ENPP7: variants seen among roughly 807,000 people sequenced by gnomAD.
ENPP7 encodes ectonucleotide pyrophosphatase/phosphodiesterase family member 7.
Under a neutral mutation model 33.6 loss-of-function variants are expected in ENPP7, and 39 were observed. The ratio of observed to expected loss-of-function variants is 1.16; its 90% CI spans 0.90 to 1.52. The LOEUF (loss-of-function observed/expected upper bound fraction) is 1.52. Ranked by LOEUF, ENPP7 falls within the 40% of genes most tolerant of loss-of-function variation. ENPP7 has a pLI of 0.00. For synonymous variants in ENPP7, 244 were observed against 274.3 expected, an observed-to-expected ratio of 0.89 and a Z score of 1.09; for missense variants, 594 against 641.0, an observed-to-expected ratio of 0.93 and a Z score of 0.79.
chr17:79,731,847 C>T (rs2094286045), intron 1 of ENPP7, among the ~76,000 whole-genome samples: 1 of 152,190 alleles, frequency 6.6e-6, no homozygotes, highest in Admixed American at 6.5e-5. Flanking sequence ...CCTGTAATCC[C>T]AGCACTTTGA....
At position 79,738,322 on chromosome 17, in the gene ENPP7, T is replaced by C. The variant is rs2094299780; in HGVS notation, c.*16+260T>C. The C allele has an allele frequency of 2.3e-5, 9 of 392,186 alleles. No homozygotes were observed. The South Asian group carries it at 3.2e-4, about 14-fold the overall frequency. 24.3% of individuals were successfully genotyped at this position (392,186 alleles called of 1,614,324 possible). On this transcript the variant is annotated intron_variant, in intron 5 of 5. Transcript: ENST00000328313. This position sits in a 1 kb window ranked among gnomAD's most constrained non-coding sequence, Gnocchi z 6.2. ...GGACCAGTGGCCAGAATTCCCACCC[T>C]CCCCCAAAAGCCAGAACTCCCTCAG...
At chr17:79,732,705 C>T (rs1412999351) in intron 1 of ENPP7, among the ~76,000 whole-genome samples, 10 of 152,208 alleles carry the variant, frequency 6.6e-5, no homozygotes, top group Non-Finnish European at 1.5e-4. Flanking sequence ...ACTAGTACAC[C>T]AGTCGCTGAA....
intron 1 of ENPP7, 21 bp from the exon 2 acceptor site, chr17:79,733,487 C>T: frequency 6.2e-7 from 1 of 1,611,084 alleles, no homozygotes; most frequent in Non-Finnish European, 8.5e-7. Flanking sequence ...CCGCCGCCCT[C>T]TGCACCTCTT....
chr17:79,732,153 C>CATATATATAT lies in ENPP7; in HGVS notation c.253+762_253+763insTATATATATA, dbSNP rs2094287791. 5.4e-5 allele frequency among the ~76,000 whole-genome samples: 4 copies of CATATATATAT among 73,738 alleles called. 1 individual carries two copies. Among genetic ancestry groups the CATATATATAT allele is most frequent in the Admixed American group, 3.6e-4 (2 of 5,550 alleles). 48.4% of individuals were successfully genotyped at this position (73,738 alleles called of 152,430 possible). A position where few individuals can be genotyped will look rare whatever the true frequency, so the allele number is the denominator to read the frequency against. On this transcript the variant is annotated intron_variant, in intron 1 of 5. Coordinates refer to ENST00000328313, the MANE Select transcript of ENPP7 (RefSeq NM_178543.5). ...ATATGTATATATATATATATATACA[C>CATATATATAT]ACACATATATATATATATGAGGCCA...
chr17:79,734,500 C>A (rs4462635), intron 2 of ENPP7, among the ~76,000 whole-genome samples: 3,837 of 139,686 alleles, frequency 0.027, 157 homozygotes, highest in African/African-American at 0.093. Context: ...TTTTTTGAGA[C>A]GGAGTCTCGC....
rs1555822947 is a variant in ENPP7, at chr17:79,733,553, A to C, written c.299A>C (p.Asn100Thr). Reference protein sequence around the residue: ...NHGVVHNMYYNTTSKVKLPYH... With the variant: ...NHGVVHNMYYTTTSKVKLPYH... Reference sequence around the variant, plus strand: ...GGGGTGGTTCACAACATGTACTACAACACCACCAGCAAGGTGAAGCTGCCC... The same window carrying C: ...GGGGTGGTTCACAACATGTACTACACCACCACCAGCAAGGTGAAGCTGCCC... Residue 100 changes from asparagine (N) to threonine (T), a missense_variant, in exon 2 of 6, where the codon AAC becomes ACC. By Grantham distance (65) the Asn-to-Thr change is moderately conservative. Around this residue, in one of 3 missense-constraint regions of ENPP7, gnomAD observed 504 missense variants for 512.8 expected, o/e 0.98. Transcript: ENST00000328313. The C allele has an allele frequency of 1.2e-5, 19 of 1,613,422 alleles. No individual in the cohort carries two copies. The highest frequency in any genetic ancestry group is 9.3e-5 in the African/African-American group (7 of 74,916).
Position 79,740,974 on chromosome 17 carries a change from C to CTTCTT in ENPP7, c.*17-797_*17-793dup, listed in dbSNP as rs1192665881. ...GAACTAGGCTGTCTTCTGTGGCTAG[C>CTTCTT]TTCTTTTCTTTTCTTTTCTTTTCTT... On this transcript the variant is annotated intron_variant, in intron 5 of 5. Coordinates refer to ENST00000328313, the MANE Select transcript of ENPP7 (RefSeq NM_178543.5). Among the ~76,000 whole-genome samples the CTTCTT allele has an allele frequency of 1.2e-3, 187 of 152,178 alleles. 1 individual carries two copies. The highest frequency in any genetic ancestry group is 4.0e-3 in the African/African-American group (166 of 41,520).
Position 79,735,047 on chromosome 17 carries a change from T to C in ENPP7, c.404T>C (p.Leu135Pro), listed in dbSNP as rs782498775. 2 of 1,612,522 alleles carry C rather than the reference T, an allele frequency of 1.2e-6. No individual in the cohort carries two copies. The highest frequency in any genetic ancestry group is 1.7e-6 in the Non-Finnish European group (2 of 1,179,778). ...PIWITAQRQG[L>P]RAGSFFYPGG... ...TCACGCTGCCTTGTCTGGCAGGGCC[T>C]GAGGGCTGGCTCCTTCTTCTACCCG... The change falls in exon 3 of 6, where the codon CTG (leucine) becomes CCG (proline). Residue 135 changes from leucine (L) to proline (P), a missense_variant. By Grantham distance (98) the Leu-to-Pro change is moderately conservative. This residue lies in a region of ENPP7 where 504 missense variants were observed against 512.8 expected (regional missense o/e 0.98). Coordinates refer to ENST00000328313, the MANE Select transcript of ENPP7 (RefSeq NM_178543.5). The surrounding 1 kb of genome is among the most constrained non-coding windows in gnomAD (Gnocchi z 5.5).
rs928401924 is a variant in ENPP7 at position 79,742,079 on chromosome 17, C to A, written c.*302C>A. 2.5e-6 allele frequency: 1 copy of A among 407,936 alleles called. No individual in the cohort carries two copies. The highest frequency in any genetic ancestry group is 3.3e-6 in the Non-Finnish European group (1 of 302,018). 25.3% of individuals were successfully genotyped at this position (407,936 alleles called of 1,614,324 possible). A position where few individuals can be genotyped will look rare whatever the true frequency, so the allele number is the denominator to read the frequency against. ...CCTCCTGCAAAACCCGCTCCCGAAG[C>A]GGCGCTGCCGTCTGCAGCCACGCGG... On this transcript the variant is annotated 3_prime_UTR_variant, in exon 6 of 6. Coordinates refer to ENST00000328313, the MANE Select transcript of ENPP7 (RefSeq NM_178543.5).
rs372350760 is a variant in ENPP7 at position 79,735,293 on chromosome 17, G to A, written c.650G>A (p.Arg217Gln). 383 of 1,613,230 alleles carry A rather than the reference G, an allele frequency of 2.4e-4. No homozygotes were observed. In the East Asian group the frequency reaches 2.6e-3, roughly 11 times the overall value. The change falls in exon 3 of 6, where the codon CGG becomes CAG. Residue 217 changes from arginine (R) to glutamine (Q), a missense_variant. Coordinates refer to ENST00000328313, the MANE Select transcript of ENPP7 (RefSeq NM_178543.5). The surrounding 1 kb of genome is among the most constrained non-coding windows in gnomAD (Gnocchi z 5.5). ...TCCCCGGAGAGGAGGGAGATGGTGC[G>A]GCAGGTGGACCGGACCGTGGGCTAC... ...PESPERREMV[R>Q]QVDRTVGYLR...
rs782254545 is a variant in ENPP7 at position 79,735,153 on chromosome 17, G to A, written c.510G>A (p.Thr170=). The change falls in exon 3 of 6, where the codon ACG becomes ACA. Residue 170 remains threonine, a synonymous_variant. Transcript: ENST00000328313. The surrounding 1 kb of genome is among the most constrained non-coding windows in gnomAD (Gnocchi z 5.5). The part of the protein sequence containing the change: ...EGIAHNYKNE[T]EWRANIDTVM... Reference sequence around the variant, plus strand: ...TCGCACACAACTACAAAAATGAGACGGAGTGGAGAGCGAACATCGACACAG... The same window carrying A: ...TCGCACACAACTACAAAAATGAGACAGAGTGGAGAGCGAACATCGACACAG... 3.8e-5 allele frequency: 62 copies of A among 1,613,106 alleles called. No individual in the cohort carries two copies. Among genetic ancestry groups the A allele is most frequent in the South Asian group, 7.7e-5 (7 of 91,082 alleles).
intron 3 of ENPP7, among the ~76,000 whole-genome samples, chr17:79,736,448 T>A (rs2094295902): frequency 6.6e-6 from 1 of 152,152 alleles, no homozygotes; most frequent in Non-Finnish European, 1.5e-5. Context: ...TGTGTGCACA[T>A]CTGTGTGTGC....
chr17:79,732,133 T>TACATATATACAC (rs2094287211), intron 1 of ENPP7, among the ~76,000 whole-genome samples: 12 of 18,672 alleles, frequency 6.4e-4, no homozygotes, highest in African/African-American at 2.4e-3. Context: ...TATATATATG[T>TACATATATACAC]ATATATATAT....
In ENPP7 at chr17:79,733,734, C is replaced by A; in HGVS notation, c.399+81C>A. ...GGTGAGGCTTGGAACCATGTGAGAT[C>A]CACGGCAGGTCCCTTCCCCACTCCA... is the stretch of plus-strand genomic sequence containing the variant. On this transcript the variant is annotated intron_variant, in intron 2 of 5. Transcript: ENST00000328313. 2.8e-6 allele frequency: 4 copies of A among 1,416,038 alleles called. No homozygotes were observed. The South Asian group carries it at 4.1e-5, about 15-fold the overall frequency. 87.7% of individuals were successfully genotyped at this position (1,416,038 alleles called of 1,614,324 possible). A position where few individuals can be genotyped will look rare whatever the true frequency, so the allele number is the denominator to read the frequency against.
In ENPP7 at chr17:79,731,463, G is replaced by A. The variant is rs566788360; in HGVS notation, c.253+71G>A. On this transcript the variant is annotated intron_variant, in intron 1 of 5. Coordinates refer to ENST00000328313, the MANE Select transcript of ENPP7 (RefSeq NM_178543.5). Reference sequence around the variant, plus strand: ...AAACCAGATGGCACAGAGCCGTGTCGTGCAGGATAAAGGGGAGAGGTCCTT... The same window carrying A: ...AAACCAGATGGCACAGAGCCGTGTCATGCAGGATAAAGGGGAGAGGTCCTT... 108 of 1,522,208 alleles carry A rather than the reference G, an allele frequency of 7.1e-5. No individual in the cohort carries two copies. The South Asian group carries it at 9.8e-4, about 14-fold the overall frequency. 94.3% of individuals were successfully genotyped at this position (1,522,208 alleles called of 1,614,324 possible).
At chr17:79,732,181 G>A (rs1009546975) in intron 1 of ENPP7, among the ~76,000 whole-genome samples, 1 of 63,316 alleles carries the variant, frequency 1.6e-5, no homozygotes, top group African/African-American at 4.8e-5. Context: ...TGAGGCCAAG[G>A]CAGGAGGATT....
intron 5 of ENPP7, among the ~76,000 whole-genome samples, chr17:79,740,109 G>T (rs1272890701): frequency 6.6e-6 from 1 of 152,150 alleles, no homozygotes; most frequent in Non-Finnish European, 1.5e-5. Flanking sequence ...GAGGTGGGAG[G>T]ATCGCTGGAG....
Position 79,737,141 on chromosome 17 carries a change from G to A in ENPP7, c.1127G>A (p.Gly376Asp), listed in dbSNP as rs1416429828. The A allele has an allele frequency of 6.2e-7, 1 of 1,613,968 alleles. No homozygotes were observed. The highest frequency in any genetic ancestry group is 8.5e-7 in the Non-Finnish European group (1 of 1,180,026). ...FRAVGPSFRAGLEVEPFESVH... is the reference protein window; with the variant it reads ...FRAVGPSFRADLEVEPFESVH... The stretch of plus-strand genomic sequence containing the variant: ...GCTGTGGGCCCTAGCTTCAGGGCGG[G>A]CCTGGAGGTGGAGCCCTTTGAGAGC... The change falls in exon 4 of 6, where the codon GGC becomes GAC. Residue 376 changes from glycine to aspartate, a missense_variant. Gly to Asp is a moderately conservative substitution (Grantham distance 94, BLOSUM62 -1). Transcript: ENST00000328313. The surrounding 1 kb of genome is among the most constrained non-coding windows in gnomAD (Gnocchi z 5.5).
chr17:79,737,035 C>G lies in ENPP7; in HGVS notation c.1027-6C>G. 1 of 1,613,698 alleles carries G rather than the reference C, an allele frequency of 6.2e-7. No homozygotes were observed. ...GGACCCAGGACCCTTGCCCGCTCCC[C>G]GGCAGAGAATTAACGTCCAGTTCAA... On this transcript the variant is annotated splice_polypyrimidine_tract_variant and splice_region_variant and intron_variant, in intron 3 of 5. Transcript: ENST00000328313. The surrounding 1 kb of genome is among the most constrained non-coding windows in gnomAD (Gnocchi z 5.5).
Sources: gnomAD v4.1 joint callset for allele counts (sites outside exome capture counted in the v4.1 genomes callset) on GRCh38, gnomAD v4.1.1 for gene constraint, gnomAD v4.1.1 regional missense constraint, Gnocchi (gnomAD v3.1) non-coding constraint, MANE v1.5 for transcripts, NCBI Gene and HGNC (gene_info 2026-07-23, HGNC 2026-07-21) for gene names.